The following TMEM223 variants were observed in gnomAD, a reference collection of about 807,000 sequenced individuals.
The protein encoded by TMEM223 is transmembrane protein 223.
In TMEM223, 14 loss-of-function variants were observed where a neutral mutation model predicts 14.1. That is an observed-to-expected ratio of 0.99 (90% CI 0.66 to 1.55). The LOEUF (loss-of-function observed/expected upper bound fraction) is 1.55. Among genes scored for constraint, TMEM223 ranks in the 40% most tolerant of loss-of-function variants. The pLI is 0.00. For missense variants in TMEM223, 346 were observed against 269.9 expected (o/e 1.28, Z -1.97); for synonymous variants, 145 against 120.5 (o/e 1.20, Z -1.33).
chr11:62,774,911 T>A (rs12575886), intron 1 of TMEM223, among the ~76,000 whole-genome samples: 143,770 of 145,690 alleles, frequency 0.99, 70,928 homozygotes, highest in Non-Finnish European at 1. Context: ...AAAAAAAAAA[T>A]TTAGCCATCC....
chr11:62,777,569 C>A (rs946317420), intron 1 of TMEM223, among the ~76,000 whole-genome samples: 7 of 152,130 alleles, frequency 4.6e-5, no homozygotes, highest in Non-Finnish European at 1.0e-4. Context: ...GAAAAGAAGG[C>A]ATTCAGGCTA....
At chr11:62,778,062 G>A (rs1199195158) in intron 1 of TMEM223, 2 of 1,614,062 alleles carry the variant, frequency 1.2e-6, no homozygotes, top group African/African-American at 1.3e-5. Context: ...GGATCGAGAG[G>A]TGAACCTGGT....
At chr11:62,778,798 G>C in intron 1 of TMEM223, 1 of 1,285,884 alleles carries the variant, frequency 7.8e-7, no homozygotes, top group Non-Finnish European at 1.1e-6. Flanking sequence ...TGGTTGAGGG[G>C]GAGGAGGCTG....
downstream of TMEM223, chr11:62,787,705 C>T (rs530587156): frequency 9.4e-5 from 76 of 805,728 alleles, no homozygotes; most frequent in Middle Eastern, 2.9e-3. Context: ...TGTGGCTCCT[C>T]CTGGCCAGGT....
intron 2 of TMEM223, chr11:62,774,490 TC>T: frequency 2.3e-6 from 1 of 438,490 alleles, no homozygotes; most frequent in Non-Finnish European, 4.6e-6. Flanking sequence ...GACCCATTGA[TC>T]CCCTGCCAGA....
chr11:62,783,636 G>C (rs2084247438), downstream of TMEM223, among the ~76,000 whole-genome samples: 1 of 150,840 alleles, frequency 6.6e-6, no homozygotes, highest in African/African-American at 2.4e-5. Context: ...TTGGATTTAA[G>C]CAATTCTTCC....
At chr11:62,777,900 C>A in intron 1 of TMEM223, 1 of 1,531,362 alleles carries the variant, frequency 6.5e-7, no homozygotes, top group South Asian at 1.2e-5. Context: ...CTGCTCTGGT[C>A]AGTGGAGCCT....
chr11:62,784,306 ATTT>A (rs1030701221), downstream of TMEM223, among the ~76,000 whole-genome samples: 1 of 118,766 alleles, frequency 8.4e-6, no homozygotes. Flanking sequence ...TATATTCTTA[ATTT>A]TTTTTTTTTT....
At position 62,790,188 on chromosome 11, in the gene TMEM223, C is replaced by T; in HGVS notation, c.*435G>A. 3.3e-6 allele frequency: 3 copies of T among 905,278 alleles called. No homozygotes were observed. Among genetic ancestry groups the T allele is most frequent in the Non-Finnish European group, 4.8e-6 (3 of 623,850 alleles). 56.1% of individuals were successfully genotyped at this position (905,278 alleles called of 1,614,324 possible). A position where few individuals can be genotyped will look rare whatever the true frequency, so the allele number is the denominator to read the frequency against. On this transcript the variant is annotated 3_prime_UTR_variant, in exon 2 of 2. Transcript: ENST00000307366. Reference sequence around the variant, plus strand: ...GGGGGAAACATAATGACAGGCCCCCCTCCACCTCTTCCTGCAGCTGTTTTT... The same window carrying T: ...GGGGGAAACATAATGACAGGCCCCCTTCCACCTCTTCCTGCAGCTGTTTTT...
At chr11:62,787,497 C>T (rs2084299833), downstream of TMEM223, 5 of 1,578,664 alleles carry the variant, frequency 3.2e-6, no homozygotes, top group South Asian at 4.5e-5. Context: ...TGTGCGGGGC[C>T]GTGGCGGCCG....
At chr11:62,783,364 C>G (rs981708075), downstream of TMEM223, among the ~76,000 whole-genome samples, 1 of 151,892 alleles carries the variant, frequency 6.6e-6, no homozygotes, top group Non-Finnish European at 1.5e-5. Context: ...CGCCTGTAGT[C>G]CCAGCTACTC....
intron 1 of TMEM223, among the ~76,000 whole-genome samples, chr11:62,779,976 A>ATATATATATATTTTTTTTT (rs1294367864): frequency 2.7e-4 from 14 of 52,620 alleles, no homozygotes; most frequent in African/African-American, 1.1e-3. Flanking sequence ...ATATATATAT[A>ATATATATATATTTTTTTTT]TTTTTTTTTT....
At chr11:62,786,263 G>T, downstream of TMEM223, 1 of 1,611,218 alleles carries the variant, frequency 6.2e-7, no homozygotes, top group Non-Finnish European at 8.5e-7. Flanking sequence ...CTTCCAGGCA[G>T]TAGAACGAGT....
At chr11:62,773,840 T>C (rs968067762) in intron 2 of TMEM223, among the ~76,000 whole-genome samples, 18 of 152,126 alleles carry the variant, frequency 1.2e-4, no homozygotes, top group African/African-American at 4.1e-4. Flanking sequence ...AACTGAAATC[T>C]GAAGGAGTGA....
intron 1 of TMEM223, among the ~76,000 whole-genome samples, chr11:62,780,936 C>CA (rs1302371766): frequency 0.032 from 1,680 of 52,022 alleles, 41 homozygotes; most frequent in African/African-American, 0.099. Context: ...GACTCCATCT[C>CA]AAAAAAAAAA....
chr11:62,787,480 GC>G, downstream of TMEM223: 3 of 1,578,288 alleles, frequency 1.9e-6, no homozygotes, highest in Non-Finnish European at 2.6e-6. Flanking sequence ...CTTTGCTGCC[GC>G]CTTCCTGTGC....
At chr11:62,782,334 G>A in intron 1 of TMEM223, 1 of 1,612,076 alleles carries the variant, frequency 6.2e-7, no homozygotes, top group Non-Finnish European at 8.5e-7. Context: ...ACATCTTCTG[G>A]TAGCCACTGG....
Position 62,791,765 on chromosome 11 carries a change from A to T in TMEM223, c.230T>A (p.Leu77Gln). ...VSRPPVPVQPLDAEVPNRGPF... is the reference protein window; with the variant it reads ...VSRPPVPVQPQDAEVPNRGPF... ...GCCACGATTTGGGACCTCCGCATCC[A>T]GAGGCTGCACCGGAACCGGGGGCCG... Residue 77 changes from leucine (L) to glutamine (Q), a missense_variant, in exon 1 of 2, where the codon CTG becomes CAG. Coordinates refer to ENST00000307366, the MANE Select transcript of TMEM223 (RefSeq NM_001080501.3). 1 of 1,566,396 alleles carries T rather than the reference A, an allele frequency of 6.4e-7. No homozygotes were observed. Among genetic ancestry groups the T allele is most frequent in the Non-Finnish European group, 8.6e-7 (1 of 1,156,096 alleles).
At chr11:62,786,526 G>C (rs769890556), downstream of TMEM223, 1 of 1,553,852 alleles carries the variant, frequency 6.4e-7, no homozygotes, top group African/African-American at 1.4e-5. Flanking sequence ...GGTGGCGGTA[G>C]AGCGACTGCT....
Sources: allele counts gnomAD v4.1 joint callset (sites outside exome capture counted in the v4.1 genomes callset), GRCh38; gene constraint gnomAD v4.1.1; transcripts MANE v1.5; gene names NCBI Gene and HGNC (gene_info 2026-07-23, HGNC 2026-07-21).